Variants in VEZF1 observed in about 807,000 individuals in gnomAD.
The protein encoded by VEZF1 is putative transcription factor DB1.
VEZF1 carries 5 observed loss-of-function variants against 44.1 expected under a neutral mutation model. That is an observed-to-expected ratio of 0.11 (90% CI 0.06 to 0.24). The LOEUF is 0.24. Ranked by LOEUF, VEZF1 falls within the 10% of genes least tolerant of loss-of-function variation. The probability of loss-of-function intolerance (pLI) is 1.00; values close to 1 mark genes in which losing one functional copy is unlikely to be tolerated. For synonymous variants in VEZF1, 236 were observed against 233.1 expected (o/e 1.01, Z -0.11); for missense variants, 358 against 641.8 (o/e 0.56, Z 4.78).
At chr17:57,987,389 GA>G (rs968737605) in intron 1 of VEZF1, among the ~76,000 whole-genome samples, 2 of 150,716 alleles carry the variant, frequency 1.3e-5, no homozygotes, top group African/African-American at 2.4e-5. Flanking sequence ...TGAGACTTGG[GA>G]AAAAAAAATG....
intron 3 of VEZF1, 78 bp downstream of exon 3, chr17:57,981,795 G>GCT (rs2075251723): frequency 7.2e-7 from 1 of 1,384,848 alleles, no homozygotes; most frequent in Non-Finnish European, 1.0e-6. Flanking sequence ...TTCAAGAATG[G>GCT]TGAGATTCAA....
chr17:57,978,971 C>T (rs973095601), intron 5 of VEZF1, among the ~76,000 whole-genome samples, 181 bp downstream of exon 5: 1 of 152,182 alleles, frequency 6.6e-6, no homozygotes, highest in South Asian at 2.1e-4. Context: ...CTAGTAATAA[C>T]TTATCTGGAC....
intron 5 of VEZF1, among the ~76,000 whole-genome samples, chr17:57,977,277 C>T (rs551291554): frequency 5.4e-4 from 82 of 151,988 alleles, no homozygotes; most frequent in Middle Eastern, 3.4e-3. Flanking sequence ...CTGTCACGTC[C>T]GGCTAATTTT....
At chr17:57,987,449 GC>G (rs917479122) in intron 1 of VEZF1, among the ~76,000 whole-genome samples, 5 of 152,014 alleles carry the variant, frequency 3.3e-5, no homozygotes, top group African/African-American at 1.2e-4. Context: ...CACAACATCC[GC>G]CCCCCCAACT....
At chr17:57,977,077 C>T (rs2143327395) in intron 5 of VEZF1, among the ~76,000 whole-genome samples, 1 of 152,258 alleles carries the variant, frequency 6.6e-6, no homozygotes, top group East Asian at 1.9e-4. Context: ...TTTTCCTCCC[C>T]ATTGCCCGTC....
Position 57,974,721 on chromosome 17 carries a change from T to C in VEZF1, c.1318A>G (p.Met440Val), listed in dbSNP as rs759084866. ...ATAGTTACAGGATGCCCTATGTTCATTGGGCTGGTTATGTTAACTGCACTT... is the reference window on the plus strand; with the variant it reads ...ATAGTTACAGGATGCCCTATGTTCACTGGGCTGGTTATGTTAACTGCACTT... Reference protein sequence around the residue: ...VSSAVNITSPMNIGHPVTITS... With the variant: ...VSSAVNITSPVNIGHPVTITS... Residue 440 changes from methionine to valine, a missense_variant, in exon 6 of 6, where the codon ATG (methionine) becomes GTG (valine). By Grantham distance (21) the Met-to-Val change is conservative. This residue lies in a region of VEZF1 where 171 missense variants were observed against 272.4 expected (regional missense o/e 0.63). Transcript: ENST00000581208. 1.4e-5 allele frequency: 23 copies of C among 1,614,030 alleles called. No homozygotes were observed. The highest frequency in any genetic ancestry group is 1.1e-4 in the East Asian group (5 of 44,898).
Position 57,988,106 on chromosome 17 carries a change from C to A in VEZF1, c.6G>T (p.Glu2Asp). The A allele has an allele frequency of 1.2e-6, 1 of 839,546 alleles. No homozygotes were observed. Among genetic ancestry groups the A allele is most frequent in the Non-Finnish European group, 1.5e-6 (1 of 653,392 alleles). 52.0% of individuals were successfully genotyped at this position (839,546 alleles called of 1,614,324 possible). The part of the protein sequence containing the change: M[E>D]ANWTAFLFQA... ...GGAACAGGAACGCGGTCCAGTTGGCCTCCATGGCTGCGGCGGCCGACCCCC... is the reference window on the plus strand; with the variant it reads ...GGAACAGGAACGCGGTCCAGTTGGCATCCATGGCTGCGGCGGCCGACCCCC... The change falls in exon 1 of 6, where the codon GAG (glutamate) becomes GAT (aspartate). Residue 2 changes from glutamate to aspartate, a missense_variant. By Grantham distance (45) the Glu-to-Asp change is conservative. This residue lies in a region of VEZF1 where 22 missense variants were observed against 17.3 expected (regional missense o/e 1.27). Coordinates refer to ENST00000581208, the MANE Select transcript of VEZF1 (RefSeq NM_007146.3).
rs35567614 is a variant in VEZF1 at position 57,972,088 on chromosome 17, C to CA, written c.*2384dup. On this transcript the variant is annotated 3_prime_UTR_variant, in exon 6 of 6. Coordinates refer to ENST00000581208, the MANE Select transcript of VEZF1 (RefSeq NM_007146.3). ...TTCTTAAGTGAATAAAGAATGCATACAAAATAGTATTTTAACTGAAGTCAT... is the reference window on the plus strand; with the variant it reads ...TTCTTAAGTGAATAAAGAATGCATACAAAAATAGTATTTTAACTGAAGTCAT... 6.6e-6 allele frequency: 1 copy of CA among 152,504 alleles called. No homozygotes were observed. The highest frequency in any genetic ancestry group is 1.5e-5 in the Non-Finnish European group (1 of 68,024). The allele number at this position is 152,504 out of a possible 1,614,324, so 9.4% of individuals were successfully genotyped here.
At chr17:57,981,846 C>G (rs375410248) in intron 3 of VEZF1, 27 bp downstream of exon 3, 4 of 1,606,668 alleles carry the variant, frequency 2.5e-6, no homozygotes, top group Non-Finnish European at 3.4e-6. Context: ...AAGTGCTACA[C>G]TAAGGATAAG....
Position 57,972,515 on chromosome 17 carries a change from AAC to A in VEZF1, c.*1956_*1957del, listed in dbSNP as rs1273133438. On this transcript the variant is annotated 3_prime_UTR_variant, in exon 6 of 6. Transcript: ENST00000581208. Reference sequence around the variant, plus strand: ...CACACATAATGCTCTACATATTAAAAACAAACCATTTTTGTACTGTGGATAAG... The same window carrying A: ...CACACATAATGCTCTACATATTAAAAAAACCATTTTTGTACTGTGGATAAG... 6.5e-6 allele frequency: 1 copy of A among 152,676 alleles called. No homozygotes were observed. The highest frequency in any genetic ancestry group is 1.5e-5 in the Non-Finnish European group (1 of 68,046). 9.5% of individuals were successfully genotyped at this position (152,676 alleles called of 1,614,324 possible). A position where few individuals can be genotyped will look rare whatever the true frequency, so the allele number is the denominator to read the frequency against.
chr17:57,980,870 CT>C, intron 3 of VEZF1, 84 bp from the exon 4 acceptor site: 2 of 1,334,418 alleles, frequency 1.5e-6, no homozygotes, highest in South Asian at 2.6e-5. Context: ...GTGCATTACC[CT>C]ATCCACATCA....
rs1199098320 is a variant in VEZF1, at chr17:57,973,145, G to C, written c.*1328C>G. On this transcript the variant is annotated 3_prime_UTR_variant, in exon 6 of 6. Transcript: ENST00000581208. ...TGGCATGATGGTGTAAAGAGTATCT[G>C]TTTCCCTAGCTTTTGGTTTCTACTT... The C allele has an allele frequency of 6.6e-6, 1 of 152,076 alleles. No homozygotes were observed. Among genetic ancestry groups the C allele is most frequent in the Non-Finnish European group, 1.5e-5 (1 of 68,026 alleles). 9.4% of individuals were successfully genotyped at this position (152,076 alleles called of 1,614,324 possible).
At position 57,972,597 on chromosome 17, in the gene VEZF1, GACAA is replaced by G. The variant is rs1460183549; in HGVS notation, c.*1872_*1875del. 4 of 152,556 alleles carry G rather than the reference GACAA, an allele frequency of 2.6e-5. No individual in the cohort carries two copies. Among genetic ancestry groups the G allele is most frequent in the Admixed American group, 1.3e-4 (2 of 15,276 alleles). The allele number at this position is 152,556 out of a possible 1,614,324, so 9.5% of individuals were successfully genotyped here. ...TTTTTCTCTACATTTTGTTTATTGA[GACAA>G]ACTAATTAAAAGGCACAAACATAGG... On this transcript the variant is annotated 3_prime_UTR_variant, in exon 6 of 6. Transcript: ENST00000581208.
At chr17:57,986,933 C>G (rs1481688361) in intron 1 of VEZF1, among the ~76,000 whole-genome samples, 1 of 152,170 alleles carries the variant, frequency 6.6e-6, no homozygotes, top group African/African-American at 2.4e-5. Context: ...TCCTCCAGTT[C>G]CGAAGTTTCC....
At position 57,983,081 on chromosome 17, in the gene VEZF1, T is replaced by C; in HGVS notation, c.346A>G (p.Ile116Val). The change falls in exon 2 of 6, where the codon ATC becomes GTC. Residue 116 changes from isoleucine (I) to valine (V), a missense_variant. Ile to Val is a conservative substitution (Grantham distance 29). Around this residue, in one of 4 missense-constraint regions of VEZF1, gnomAD observed 117 missense variants for 207.2 expected, o/e 0.56. Coordinates refer to ENST00000581208, the MANE Select transcript of VEZF1 (RefSeq NM_007146.3). ...CTGCTGTCCCCAGCGATGGTAGAGA[T>C]AAGGGGAACCACCGTGGTGGGGGTT... ...KKTPTTVVPLISTIAGDSSRT... is the reference protein window; with the variant it reads ...KKTPTTVVPLVSTIAGDSSRT... 1 of 1,614,150 alleles carries C rather than the reference T, an allele frequency of 6.2e-7. No individual in the cohort carries two copies. Among genetic ancestry groups the C allele is most frequent in the Non-Finnish European group, 8.5e-7 (1 of 1,180,024 alleles).
At position 57,988,068 on chromosome 17, in the gene VEZF1, G is replaced by GC. The variant is rs1453661164; in HGVS notation, c.33+10dup. ...GTCCCCCCCGTGCCCCCCCGGGGGG[G>GC]CCCCCAGTACCTGGAACAGGAACGC... On this transcript the variant is annotated intron_variant, in intron 1 of 5. Transcript: ENST00000581208. 2.0e-6 allele frequency: 1 copy of GC among 496,700 alleles called. No individual in the cohort carries two copies. Among genetic ancestry groups the GC allele is most frequent in the Non-Finnish European group, 2.9e-6 (1 of 350,782 alleles). The allele number at this position is 496,700 out of a possible 1,614,324, so 30.8% of individuals were successfully genotyped here.
At chr17:57,974,950 A>T (rs1441528649) in intron 5 of VEZF1, 50 bp from the exon 6 acceptor site, 1 of 1,542,036 alleles carries the variant, frequency 6.5e-7, no homozygotes, top group South Asian at 1.2e-5. Flanking sequence ...AGTGAGCAAA[A>T]TTCACAAAGT....
At chr17:57,980,573 AAAAG>A (rs747789945) in intron 4 of VEZF1, 26 bp downstream of exon 4, 7 of 1,593,674 alleles carry the variant, frequency 4.4e-6, no homozygotes, top group Middle Eastern at 2.3e-4. Flanking sequence ...TCTGAAATAT[AAAAG>A]AAAGAAAATC....
At position 57,982,800 on chromosome 17, in the gene VEZF1, C is replaced by T. The variant is rs776384772; in HGVS notation, c.627G>A (p.Gln209=). The T allele has an allele frequency of 6.8e-6, 11 of 1,614,214 alleles. No homozygotes were observed. Among genetic ancestry groups the T allele is most frequent in the Non-Finnish European group, 9.3e-6 (11 of 1,180,046 alleles). The change falls in exon 2 of 6, where the codon CAG becomes CAA. Residue 209 remains glutamine, a synonymous_variant. Coordinates refer to ENST00000581208, the MANE Select transcript of VEZF1 (RefSeq NM_007146.3). ...TCATCCGGTCCTTCCTCTTGAAGCG[C>T]TGATTACAAATAGGACACTCAAAGG... The part of the protein sequence containing the change: ...EKPFECPICN[Q]RFKRKDRMTY...
Sources: gnomAD v4.1 joint callset for allele counts (sites outside exome capture counted in the v4.1 genomes callset) on GRCh38, gnomAD v4.1.1 for gene constraint, gnomAD v4.1.1 regional missense constraint, MANE v1.5 for transcripts, NCBI Gene and HGNC (gene_info 2026-07-23, HGNC 2026-07-21) for gene names.